The following ANKRD11 variants were observed in gnomAD, a reference collection of about 807,000 sequenced individuals.
ANKRD11 encodes the protein ankyrin repeat domain-containing protein 11.
ANKRD11 carries 17 observed loss-of-function variants against 195.7 expected under a neutral mutation model. The ratio of observed to expected loss-of-function variants is 0.09; its 90% CI spans 0.06 to 0.13. ANKRD11 has a LOEUF of 0.13. Among genes scored for constraint, ANKRD11 ranks in the 10% least tolerant of loss-of-function variants. The pLI, the probability that ANKRD11 is intolerant of heterozygous loss-of-function variation, is 1.00. For synonymous variants in ANKRD11, 1,953 were observed against 1,528.1 expected (o/e 1.28, Z -6.49); for missense variants, 3,735 against 3,566.1 (o/e 1.05, Z -1.21).
chr16:89,314,735 A>T (rs2036844761), intron 3 of ANKRD11, among the ~76,000 whole-genome samples: 1 of 152,168 alleles, frequency 6.6e-6, no homozygotes, highest in South Asian at 2.1e-4. Context: ...CCAGGCACAG[A>T]GAACAGGAGT....
intron 2 of ANKRD11, among the ~76,000 whole-genome samples, chr16:89,391,425 G>A (rs78114154): frequency 2.6e-5 from 4 of 152,194 alleles, no homozygotes; most frequent in African/African-American, 9.6e-5. Flanking sequence ...CAGGCTGCAC[G>A]GGATTGTGGG....
intron 1 of ANKRD11, among the ~76,000 whole-genome samples, chr16:89,489,841 G>A (rs2057756677): frequency 9.6e-6 from 1 of 104,674 alleles, no homozygotes; most frequent in Non-Finnish European, 1.9e-5. Flanking sequence ...ACGGCCCCCA[G>A]GCCCGCCCCG....
chr16:89,376,178 A>G (rs1225021880), intron 2 of ANKRD11, among the ~76,000 whole-genome samples: 3 of 152,256 alleles, frequency 2.0e-5, no homozygotes, highest in Admixed American at 6.5e-5. Context: ...CAGGATTGCT[A>G]TAAGAAAGGC....
In ANKRD11 at chr16:89,281,684, G is replaced by C. The variant is rs760243743; in HGVS notation, c.4858C>G (p.Leu1620Val). The change falls in exon 9 of 13, where the codon CTC becomes GTC. Residue 1620 changes from leucine (L) to valine (V), a missense_variant. Physicochemically the swap from Leu to Val is conservative, Grantham distance 32. Coordinates refer to ENST00000301030, the MANE Select transcript of ANKRD11 (RefSeq NM_013275.6). The surrounding 1 kb of genome is among the most constrained non-coding windows in gnomAD (Gnocchi z 5.5). The part of the protein sequence containing the change: ...KLRHRSGDPK[L>V]KEKAKPADDG... ...TCTGCCGGCTTCGCCTTCTCCTTGAGCTTGGGGTCTCCGGACCGGTGCCTC... is the reference window on the plus strand; with the variant it reads ...TCTGCCGGCTTCGCCTTCTCCTTGACCTTGGGGTCTCCGGACCGGTGCCTC... The C allele has an allele frequency of 2.5e-6, 4 of 1,614,156 alleles. No individual in the cohort carries two copies. Among genetic ancestry groups the C allele is most frequent in the Non-Finnish European group, 3.4e-6 (4 of 1,180,040 alleles).
At chr16:89,292,023 C>T (rs1299076009) in intron 4 of ANKRD11, among the ~76,000 whole-genome samples, 1 of 152,214 alleles carries the variant, frequency 6.6e-6, no homozygotes, top group African/African-American at 2.4e-5. Context: ...CTGACCAGTG[C>T]CCTCCTGTGG....
intron 2 of ANKRD11, among the ~76,000 whole-genome samples, chr16:89,369,336 A>G (rs1330970600): frequency 1.3e-5 from 2 of 152,222 alleles, no homozygotes; most frequent in African/African-American, 4.8e-5. Context: ...AGGGCCAAAC[A>G]GAGACCATTC....
chr16:89,283,602 G>A lies in ANKRD11; in HGVS notation c.2940C>T (p.Gly980=), dbSNP rs1366969248. The change falls in exon 9 of 13, where the codon GGC becomes GGT. Residue 980 remains glycine (G), a synonymous_variant. Transcript: ENST00000301030. This position sits in a 1 kb window ranked among gnomAD's most constrained non-coding sequence, Gnocchi z 4.3. ...ACTTGTCCTTGAAGCCACTCTCGCAGCCACACTCCTTCAGCTCCTCCCGGT... is the reference window on the plus strand; with the variant it reads ...ACTTGTCCTTGAAGCCACTCTCGCAACCACACTCCTTCAGCTCCTCCCGGT... ...EAHREELKEC[G]CESGFKDKSD... The A allele has an allele frequency of 6.2e-7, 1 of 1,609,940 alleles. No homozygotes were observed. The highest frequency in any genetic ancestry group is 8.5e-7 in the Non-Finnish European group (1 of 1,179,942).
intron 2 of ANKRD11, among the ~76,000 whole-genome samples, chr16:89,397,495 T>C (rs2041495149): frequency 6.6e-6 from 1 of 152,232 alleles, no homozygotes; most frequent in African/African-American, 2.4e-5. Flanking sequence ...GTGGCGGGCC[T>C]TGCTGCTATC....
At chr16:89,297,068 T>A (rs979966932) in intron 4 of ANKRD11, among the ~76,000 whole-genome samples, 2 of 152,160 alleles carry the variant, frequency 1.3e-5, no homozygotes, top group African/African-American at 2.4e-5. Flanking sequence ...CTGGGAGGTC[T>A]GAAGCTGGGC....
intron 2 of ANKRD11, among the ~76,000 whole-genome samples, chr16:89,337,620 A>G (rs1477824682): frequency 4.6e-5 from 7 of 150,946 alleles, no homozygotes; most frequent in African/African-American, 1.2e-4. Flanking sequence ...TGTATTTTTT[A>G]TAGTAGAGAT....
At chr16:89,446,031 A>G (rs1266459276) in intron 1 of ANKRD11, among the ~76,000 whole-genome samples, 2 of 151,022 alleles carry the variant, frequency 1.3e-5, no homozygotes, top group East Asian at 1.9e-4. Context: ...CCAGCCTAGT[A>G]TATGTTCCTG....
rs1342759306 is a variant in ANKRD11, at chr16:89,375,800, G to T, written c.-60+42484C>A. ...AAAAAAAAAAAAAAAGCCTCTTGCA[G>T]TTCTCAAGTCTTTTTCATTGTGTTT... is the stretch of plus-strand genomic sequence containing the variant. On this transcript the variant is annotated intron_variant, in intron 2 of 12. Transcript: ENST00000301030. 4.1e-5 allele frequency among the ~76,000 whole-genome samples: 6 copies of T among 144,652 alleles called. No homozygotes were observed. In the East Asian group the frequency reaches 1.2e-3, roughly 29 times the overall value. 94.9% of individuals were successfully genotyped at this position (144,652 alleles called of 152,430 possible).
At chr16:89,321,491 C>T (rs1406574663) in intron 2 of ANKRD11, among the ~76,000 whole-genome samples, 26 of 149,760 alleles carry the variant, frequency 1.7e-4, no homozygotes, top group Admixed American at 5.3e-4. Context: ...GGTGGGGAGC[C>T]GCAGCTGCGG....
chr16:89,316,572 G>A (rs1021858600), intron 3 of ANKRD11, among the ~76,000 whole-genome samples: 4 of 152,204 alleles, frequency 2.6e-5, no homozygotes, highest in Admixed American at 1.3e-4. Flanking sequence ...TGGAAGTAAC[G>A]TGGCCCAGCA....
intron 11 of ANKRD11, 78 bp from the exon 12 acceptor site, chr16:89,270,987 T>C: frequency 7.3e-7 from 1 of 1,369,800 alleles, no homozygotes; most frequent in South Asian, 1.2e-5. Context: ...TGGGCGATGC[T>C]GCAGTGACCG....
In ANKRD11 at chr16:89,313,334, C is replaced by G. The variant is rs1375041042; in HGVS notation, c.87+3599G>C. 18 of 1,287,218 alleles carry G rather than the reference C, an allele frequency of 1.4e-5. No homozygotes were observed. The Admixed American group carries it at 2.1e-4, about 15-fold the overall frequency. The allele number at this position is 1,287,218 out of a possible 1,614,324, so 79.7% of individuals were successfully genotyped here. A position where few individuals can be genotyped will look rare whatever the true frequency, so the allele number is the denominator to read the frequency against. Reference sequence around the variant, plus strand: ...CTGCACACCTTTGGATCAGAACACACTCAACGATGCAGACACCTGCTGGTT... The same window carrying G: ...CTGCACACCTTTGGATCAGAACACAGTCAACGATGCAGACACCTGCTGGTT... On this transcript the variant is annotated intron_variant, in intron 3 of 12. Coordinates refer to ENST00000301030, the MANE Select transcript of ANKRD11 (RefSeq NM_013275.6).
chr16:89,433,412 T>C (rs952817280), intron 1 of ANKRD11, among the ~76,000 whole-genome samples: 3 of 152,128 alleles, frequency 2.0e-5, no homozygotes, highest in Non-Finnish European at 2.9e-5. Context: ...GCATGCCAAG[T>C]TCAGACTCCT....
chr16:89,303,345 GGACT>G (rs1437420902), intron 4 of ANKRD11, among the ~76,000 whole-genome samples: 2 of 152,198 alleles, frequency 1.3e-5, no homozygotes, highest in African/African-American at 4.8e-5. Flanking sequence ...TTTCAGGCCT[GGACT>G]GACTTTCTCT....
Position 89,304,042 on chromosome 16 carries a change from G to A in ANKRD11, c.226+1164C>T, listed in dbSNP as rs546470051. ...CACTCCAGGCTTTGTGGCCAGCTTAGTGCTCTACTGCCTCCAACCTTCCCC... is the reference window on the plus strand; with the variant it reads ...CACTCCAGGCTTTGTGGCCAGCTTAATGCTCTACTGCCTCCAACCTTCCCC... On this transcript the variant is annotated intron_variant, in intron 4 of 12. Transcript: ENST00000301030. Among the ~76,000 whole-genome samples the A allele has an allele frequency of 4.6e-5, 7 of 152,348 alleles. No individual in the cohort carries two copies. The South Asian group carries it at 1.4e-3, about 32-fold the overall frequency.
Sources: allele counts gnomAD v4.1 joint callset (sites outside exome capture counted in the v4.1 genomes callset), GRCh38; gene constraint gnomAD v4.1.1; non-coding constraint Gnocchi (gnomAD v3.1); transcripts MANE v1.5; gene names NCBI Gene and HGNC (gene_info 2026-07-23, HGNC 2026-07-21).